The following CSTF3 variants were observed in gnomAD, a reference collection of about 807,000 sequenced individuals.
The protein encoded by CSTF3 is CF-1 77 kDa subunit.
In CSTF3, 29 loss-of-function variants were observed where a neutral mutation model predicts 105.8. The ratio of observed to expected loss-of-function variants is 0.27; its 90% CI spans 0.20 to 0.37. The LOEUF (loss-of-function observed/expected upper bound fraction) is 0.37, where lower values mean the gene tolerates loss of function less well. Among genes scored for constraint, CSTF3 ranks in the 10% least tolerant of loss-of-function variants. CSTF3 has a pLI of 1.00. For missense variants in CSTF3, 357 were observed against 879.3 expected (o/e 0.41, Z 7.51); for synonymous variants, 252 against 281.9 (o/e 0.89, Z 1.06).
Position 33,105,519 on chromosome 11 carries a change from A to C in CSTF3, c.585+48T>G, listed in dbSNP as rs1174539657. 4.6e-6 allele frequency: 7 copies of C among 1,534,360 alleles called. No individual in the cohort carries two copies. In the East Asian group the frequency reaches 1.6e-4, roughly 35 times the overall value. On this transcript the variant is annotated intron_variant, in intron 8 of 20. Transcript: ENST00000323959. ...ATCTACAAATCCACAATGCATAGAA[A>C]TTAAAATGGCTTGGTTTATAATAAA... is the stretch of plus-strand genomic sequence containing the variant.
intron 3 of CSTF3, among the ~76,000 whole-genome samples, chr11:33,121,876 T>C (rs975321770): frequency 2.6e-5 from 4 of 152,184 alleles, no homozygotes; most frequent in African/African-American, 9.7e-5. Context: ...TCAGTAGAGA[T>C]ATCAGATTAT....
At chr11:33,111,835 G>T (rs542344877) in intron 3 of CSTF3, among the ~76,000 whole-genome samples, 86 of 152,276 alleles carry the variant, frequency 5.6e-4, no homozygotes, top group Non-Finnish European at 8.8e-4. Context: ...GCCACTGATT[G>T]TCATTCATTA....
intron 3 of CSTF3, among the ~76,000 whole-genome samples, chr11:33,118,130 C>T (rs950187856): frequency 9.4e-5 from 14 of 149,608 alleles, no homozygotes; most frequent in Admixed American, 2.0e-4. Context: ...TGATTTTGAA[C>T]GGTAAGTTTC....
chr11:33,119,265 TC>T (rs1855463554), intron 3 of CSTF3, among the ~76,000 whole-genome samples: 1 of 151,840 alleles, frequency 6.6e-6, no homozygotes, highest in Admixed American at 6.6e-5. Flanking sequence ...AGACAATCTT[TC>T]CCATTTTGAT....
intron 1 of CSTF3, among the ~76,000 whole-genome samples, chr11:33,143,571 G>A (rs1855740241): frequency 6.6e-6 from 1 of 152,076 alleles, no homozygotes; most frequent in Non-Finnish European, 1.5e-5. Context: ...CTAACATGTT[G>A]AAACCCAGTC....
intron 17 of CSTF3, among the ~76,000 whole-genome samples, chr11:33,088,745 C>G (rs1467908865): frequency 6.6e-6 from 1 of 151,612 alleles, no homozygotes; most frequent in African/African-American, 2.4e-5. Context: ...TAGCTGGGAC[C>G]ACAGGCAGGC....
At chr11:33,154,376 T>C (rs1452778230) in intron 1 of CSTF3, among the ~76,000 whole-genome samples, 1 of 152,180 alleles carries the variant, frequency 6.6e-6, no homozygotes, top group Non-Finnish European at 1.5e-5. Context: ...GTGAATTTTT[T>C]GCTAAAATAT....
chr11:33,153,963 G>A lies in CSTF3; in HGVS notation c.27+7336C>T, dbSNP rs1449540943. 3.9e-5 allele frequency among the ~76,000 whole-genome samples: 6 copies of A among 152,104 alleles called. No individual in the cohort carries two copies. In the South Asian group the frequency reaches 6.2e-4, roughly 16 times the overall value. ...CCTGGTTTTATAATGAGTATTTCTC[G>A]CTATTCAGGGTAATAACTAAATATA... is the stretch of plus-strand genomic sequence containing the variant. On this transcript the variant is annotated intron_variant, in intron 1 of 20. Transcript: ENST00000323959.
intron 18 of CSTF3, among the ~76,000 whole-genome samples, chr11:33,086,673 G>A (rs1300526250): frequency 6.6e-6 from 1 of 152,122 alleles, no homozygotes; most frequent in Non-Finnish European, 1.5e-5. Flanking sequence ...CCTGACCTCA[G>A]GTGATCCACC....
chr11:33,154,589 C>T (rs1286056899), intron 1 of CSTF3, among the ~76,000 whole-genome samples: 6 of 148,880 alleles, frequency 4.0e-5, no homozygotes, highest in East Asian at 3.9e-4. Context: ...CTCCGACTCC[C>T]GGGTTCAAGT....
intron 1 of CSTF3, among the ~76,000 whole-genome samples, chr11:33,149,718 T>C (rs972905525): frequency 2.6e-5 from 4 of 152,122 alleles, no homozygotes; most frequent in Non-Finnish European, 5.9e-5. Flanking sequence ...ACCCCATCTC[T>C]ACTAAAAATA....
intron 3 of CSTF3, among the ~76,000 whole-genome samples, chr11:33,117,878 G>T (rs955195561): frequency 6.6e-6 from 1 of 151,844 alleles, no homozygotes; most frequent in African/African-American, 2.4e-5. Context: ...TTTAAGAAGT[G>T]AAATCCAAAA....
chr11:33,090,590 T>C lies in CSTF3; in HGVS notation c.1583A>G (p.Tyr528Cys). Residue 528 changes from tyrosine to cysteine, a missense_variant, in exon 17 of 21, where the codon TAC becomes TGC. Physicochemically the swap from Tyr to Cys is radical, Grantham distance 194. This residue lies in a region of CSTF3 where 206 missense variants were observed against 576.5 expected (regional missense o/e 0.36). Transcript: ENST00000323959. ...GKETALLVDR[Y>C]KFMDLYPCSA... ...GCAAGGATATAAATCCATGAACTTGTATCTATCTACTAGTAAAGCCGTTTC... is the reference window on the plus strand; with the variant it reads ...GCAAGGATATAAATCCATGAACTTGCATCTATCTACTAGTAAAGCCGTTTC... The C allele has an allele frequency of 6.2e-7, 1 of 1,609,302 alleles. No individual in the cohort carries two copies. The highest frequency in any genetic ancestry group is 1.3e-5 in the African/African-American group (1 of 74,780).
chr11:33,102,869 C>T (rs1178351056), intron 9 of CSTF3, among the ~76,000 whole-genome samples: 2 of 152,172 alleles, frequency 1.3e-5, no homozygotes, highest in African/African-American at 2.4e-5. Flanking sequence ...CCTTGTCTCT[C>T]TCTATGTCTT....
chr11:33,102,826 G>A (rs1214719737), intron 9 of CSTF3, among the ~76,000 whole-genome samples: 1 of 151,896 alleles, frequency 6.6e-6, no homozygotes, highest in Admixed American at 6.6e-5. Flanking sequence ...AATAATAGAG[G>A]GAAAAGAATT....
rs367944756 is a variant in CSTF3 at position 33,141,873 on chromosome 11, A to G, written c.129+12T>C. 49 of 1,585,144 alleles carry G rather than the reference A, an allele frequency of 3.1e-5. No homozygotes were observed. Among genetic ancestry groups the G allele is most frequent in the African/African-American group, 1.6e-4 (12 of 73,280 alleles). On this transcript the variant is annotated intron_variant, in intron 2 of 20. Transcript: ENST00000323959. Reference sequence around the variant, plus strand: ...CCCATAGAGAAGGAAATGTAATCCTATATCACTAAACCTGTGCCTCTCGAA... The same window carrying G: ...CCCATAGAGAAGGAAATGTAATCCTGTATCACTAAACCTGTGCCTCTCGAA...
intron 3 of CSTF3, among the ~76,000 whole-genome samples, chr11:33,132,758 G>A (rs1385894287): frequency 1.3e-5 from 2 of 152,066 alleles, no homozygotes; most frequent in African/African-American, 2.4e-5. Context: ...CTTTTAACGA[G>A]TTAAATAATG....
intron 1 of CSTF3, among the ~76,000 whole-genome samples, chr11:33,142,446 C>A (rs939127663): frequency 5.0e-4 from 76 of 152,208 alleles, no homozygotes; most frequent in African/African-American, 1.8e-3. Flanking sequence ...GGTGTCCTGG[C>A]AACAATCCCC....
chr11:33,140,979 C>G (rs1358056148), intron 3 of CSTF3: 1 of 151,878 alleles, frequency 6.6e-6, no homozygotes, highest in Non-Finnish European at 1.5e-5. Flanking sequence ...CATTTTCCTC[C>G]TAACCATAAT....
Sources: allele counts gnomAD v4.1 joint callset (sites outside exome capture counted in the v4.1 genomes callset), GRCh38; gene constraint gnomAD v4.1.1; regional missense constraint gnomAD v4.1.1; transcripts MANE v1.5; gene names NCBI Gene and HGNC (gene_info 2026-07-23, HGNC 2026-07-21).